The following KAZN variants were observed in gnomAD, a reference collection of about 807,000 sequenced individuals.
KAZN encodes the protein kazrin.
KAZN carries 40 observed loss-of-function variants against 87.4 expected under a neutral mutation model. That is an observed-to-expected ratio of 0.46 (90% CI 0.36 to 0.60). KAZN has a LOEUF of 0.60. Among genes scored for constraint, KAZN ranks in the 20% least tolerant of loss-of-function variants. The pLI is 0.00. For missense variants in KAZN, 898 were observed against 1,073.9 expected (o/e 0.84, Z 2.29); for synonymous variants, 466 against 458.3 (o/e 1.02, Z -0.22).
intron 1 of KAZN, among the ~76,000 whole-genome samples, chr1:14,836,562 C>T (rs1013827814): frequency 6.6e-6 from 1 of 152,274 alleles, no homozygotes; most frequent in Admixed American, 6.5e-5. Flanking sequence ...CTCATCTGGG[C>T]CCACGCCTCC....
intron 2 of KAZN, among the ~76,000 whole-genome samples, chr1:14,339,288 T>C (rs1048399718): frequency 5.9e-5 from 9 of 152,188 alleles, no homozygotes; most frequent in Non-Finnish European, 7.3e-5. Context: ...ACATAAATTC[T>C]TGAAACACTA....
At chr1:14,057,448 A>C (rs939794789) in intron 1 of KAZN, among the ~76,000 whole-genome samples, 6 of 152,150 alleles carry the variant, frequency 3.9e-5, no homozygotes, top group Admixed American at 3.3e-4. Flanking sequence ...TAGCATTTTT[A>C]GTAGTTTATG....
chr1:15,030,473 G>A (rs372295845), intron 2 of KAZN, among the ~76,000 whole-genome samples: 2 of 152,212 alleles, frequency 1.3e-5, no homozygotes, highest in African/African-American at 4.8e-5. Context: ...TCACATGTTG[G>A]CCAGGCTGGT....
chr1:14,463,260 T>C (rs1303824161), intron 2 of KAZN, among the ~76,000 whole-genome samples: 1 of 152,190 alleles, frequency 6.6e-6, no homozygotes, highest in Non-Finnish European at 1.5e-5. Context: ...CGTCTTATGC[T>C]AATGAGCAAT....
chr1:13,923,878 A>C (rs929053745), intron 1 of KAZN, among the ~76,000 whole-genome samples: 1 of 152,172 alleles, frequency 6.6e-6, no homozygotes, highest in African/African-American at 2.4e-5. Context: ...CAGTTGATGT[A>C]TAGTTAAATC....
In KAZN at chr1:15,114,530, C is replaced by G; in HGVS notation, c.2223C>G (p.Asp741Glu). The change falls in exon 15 of 15, where the codon GAC becomes GAG. Residue 741 changes from aspartate to glutamate, a missense_variant. Asp to Glu is a conservative substitution (Grantham distance 45). This residue lies in a region of KAZN where 127 missense variants were observed against 121.5 expected (regional missense o/e 1.04). Coordinates refer to ENST00000376030, the MANE Select transcript of KAZN (RefSeq NM_201628.3). ...GCAAAGATCCCGATTTCCATGATGACTATGGCTCTCTTCAAAACGAAGATT... is the reference window on the plus strand; with the variant it reads ...GCAAAGATCCCGATTTCCATGATGAGTATGGCTCTCTTCAAAACGAAGATT... ...FSSKDPDFHD[D>E]YGSLQNEDCG... 1 of 1,611,780 alleles carries G rather than the reference C, an allele frequency of 6.2e-7. No individual in the cohort carries two copies. Among genetic ancestry groups the G allele is most frequent in the Non-Finnish European group, 8.5e-7 (1 of 1,179,034 alleles).
chr1:14,749,639 G>T (rs1402031557), intron 1 of KAZN, among the ~76,000 whole-genome samples: 1 of 152,178 alleles, frequency 6.6e-6, no homozygotes, highest in East Asian at 1.9e-4. Flanking sequence ...TTCCCAGTAG[G>T]TTGGTTTTTC....
At chr1:14,737,371 G>A (rs1643940602) in intron 1 of KAZN, among the ~76,000 whole-genome samples, 1 of 152,180 alleles carries the variant, frequency 6.6e-6, no homozygotes, top group South Asian at 2.1e-4. Context: ...ATCCTCCACG[G>A]TATGCACAGA....
chr1:14,806,889 A>G (rs1269114342), intron 1 of KAZN, among the ~76,000 whole-genome samples: 1 of 152,210 alleles, frequency 6.6e-6, no homozygotes, highest in Non-Finnish European at 1.5e-5. Flanking sequence ...AAACTCATCA[A>G]CAATCCCACT....
chr1:14,082,558 C>A (rs1289538428), intron 1 of KAZN, among the ~76,000 whole-genome samples: 1 of 152,118 alleles, frequency 6.6e-6, no homozygotes, highest in Non-Finnish European at 1.5e-5. Flanking sequence ...GGCATCTGAT[C>A]AAGGAAGCCC....
intron 2 of KAZN, among the ~76,000 whole-genome samples, chr1:14,490,286 G>A (rs150634373): frequency 1.7e-3 from 256 of 152,206 alleles, no homozygotes; most frequent in African/African-American, 5.9e-3. Flanking sequence ...CTTTATCTGC[G>A]TTAGTTACAA....
intron 1 of KAZN, among the ~76,000 whole-genome samples, chr1:14,736,234 G>A (rs1282534629): frequency 6.7e-6 from 1 of 148,900 alleles, no homozygotes; most frequent in Admixed American, 6.7e-5. Context: ...TGGCCTGTTG[G>A]GGCTCATGTG....
At chr1:15,086,182 G>A (rs371469744) in intron 8 of KAZN, among the ~76,000 whole-genome samples, 21 of 152,160 alleles carry the variant, frequency 1.4e-4, no homozygotes, top group African/African-American at 5.1e-4. Context: ...TGTTGGCCAG[G>A]GTGGTCTCGA....
intron 1 of KAZN, among the ~76,000 whole-genome samples, chr1:14,861,953 T>C (rs1650904186): frequency 6.6e-6 from 1 of 152,190 alleles, no homozygotes; most frequent in South Asian, 2.1e-4. Context: ...TTCAGATCCT[T>C]AGCCAAGCTC....
chr1:14,615,097 C>T (rs945530043), intron 1 of KAZN, among the ~76,000 whole-genome samples: 25 of 152,222 alleles, frequency 1.6e-4, no homozygotes, highest in Admixed American at 1.6e-3. Context: ...CTCCAGTATC[C>T]CTGCAGGCAC....
chr1:14,209,500 T>A (rs1351375282), intron 2 of KAZN, among the ~76,000 whole-genome samples: 1 of 152,248 alleles, frequency 6.6e-6, no homozygotes, highest in East Asian at 1.9e-4. Flanking sequence ...AAATACTTTT[T>A]AAATTTATAT....
intron 1 of KAZN, among the ~76,000 whole-genome samples, chr1:14,120,772 A>C (rs1487510746): frequency 6.6e-6 from 1 of 152,082 alleles, no homozygotes; most frequent in Non-Finnish European, 1.5e-5. Context: ...ACTGTGTCTG[A>C]TCTTGCTTTC....
At chr1:14,615,647 C>G (rs959337834) in intron 1 of KAZN, among the ~76,000 whole-genome samples, 14 of 150,940 alleles carry the variant, frequency 9.3e-5, no homozygotes, top group Admixed American at 2.0e-4. Flanking sequence ...AAAAGAGGAG[C>G]AGAGGGGACT....
At chr1:15,011,391 C>A (rs932361630) in intron 2 of KAZN, among the ~76,000 whole-genome samples, 3 of 152,206 alleles carry the variant, frequency 2.0e-5, no homozygotes, top group Non-Finnish European at 2.9e-5. Flanking sequence ...GCTCCGAAGG[C>A]ACAGGATGCC....
Sources: gnomAD v4.1 joint callset for allele counts (sites outside exome capture counted in the v4.1 genomes callset) on GRCh38, gnomAD v4.1.1 for gene constraint, gnomAD v4.1.1 regional missense constraint, MANE v1.5 for transcripts, NCBI Gene and HGNC (gene_info 2026-07-23, HGNC 2026-07-21) for gene names.